The following SEL1L2 variants were observed in gnomAD, a reference collection of about 807,000 sequenced individuals.
SEL1L2 encodes protein sel-1 homolog 2.
In SEL1L2, 89 loss-of-function variants were observed where a neutral mutation model predicts 98.8. The observed-to-expected ratio is 0.90, with a 90% confidence interval of 0.76 to 1.07. The LOEUF is 1.07. SEL1L2 is among the 50% of genes least tolerant of loss of function. SEL1L2 has a pLI of 0.00. For missense variants in SEL1L2, 788 were observed against 812.0 expected (o/e 0.97, Z 0.36); for synonymous variants, 262 against 278.5 (o/e 0.94, Z 0.59).
At chr20:13,947,352 G>A (rs1048095784) in intron 2 of SEL1L2, among the ~76,000 whole-genome samples, 1 of 152,108 alleles carries the variant, frequency 6.6e-6, no homozygotes, top group Non-Finnish European at 1.5e-5. Context: ...GAGATGATGG[G>A]ATGACCTGCC....
At chr20:13,858,248 G>A (rs182239219) in intron 18 of SEL1L2, among the ~76,000 whole-genome samples, 34 of 152,190 alleles carry the variant, frequency 2.2e-4, no homozygotes, top group African/African-American at 7.0e-4. Context: ...TAGCACAACC[G>A]GAAGAAAGAA....
intron 1 of SEL1L2, among the ~76,000 whole-genome samples, chr20:13,986,512 C>T (rs762800896): frequency 1.2e-4 from 18 of 152,160 alleles, no homozygotes; most frequent in Non-Finnish European, 2.2e-4. Context: ...CCTTTTGTCT[C>T]GCTTTTTTCA....
chr20:13,926,107 A>G (rs988126954), intron 3 of SEL1L2, among the ~76,000 whole-genome samples: 13 of 152,342 alleles, frequency 8.5e-5, no homozygotes, highest in Admixed American at 7.8e-4. Flanking sequence ...TCACGAGGTC[A>G]GGAGATTGAG....
intron 1 of SEL1L2, 145 bp from the exon 2 acceptor site, chr20:13,956,276 C>T (rs902426533): frequency 7.4e-6 from 4 of 538,466 alleles, no homozygotes; most frequent in African/African-American, 2.0e-5. Flanking sequence ...ATTTAGAGTT[C>T]CTAATAATGT....
intron 1 of SEL1L2, among the ~76,000 whole-genome samples, chr20:13,957,900 G>A (rs975865134): frequency 6.6e-6 from 1 of 151,992 alleles, no homozygotes; most frequent in South Asian, 2.1e-4. Context: ...TTCAAAAACT[G>A]CCTGGTAAGC....
chr20:13,995,147 A>G (rs2052611261), upstream of SEL1L2: 1 of 157,368 alleles, frequency 6.4e-6, no homozygotes, highest in African/African-American at 2.4e-5. This position sits in a 1 kb window ranked among gnomAD's most constrained non-coding sequence, Gnocchi z 4.3. Flanking sequence ...CTCGCCTGTC[A>G]CTTGGCGCAC....
chr20:13,868,173 G>A (rs1301995355), intron 14 of SEL1L2, among the ~76,000 whole-genome samples: 1 of 151,088 alleles, frequency 6.6e-6, no homozygotes, highest in African/African-American at 2.4e-5. Flanking sequence ...ACTTCATATT[G>A]TCTTTCCTCA....
intron 1 of SEL1L2, among the ~76,000 whole-genome samples, chr20:13,962,984 T>A (rs1001570030): frequency 3.3e-5 from 5 of 151,400 alleles, no homozygotes; most frequent in African/African-American, 1.2e-4. Flanking sequence ...GGAGAATTGC[T>A]TGAACCCTGG....
intron 1 of SEL1L2, among the ~76,000 whole-genome samples, chr20:13,982,050 T>A (rs1364292463): frequency 6.6e-6 from 1 of 152,226 alleles, no homozygotes; most frequent in African/African-American, 2.4e-5. Flanking sequence ...GTGAGGCAAC[T>A]GCTTTCTGGA....
At chr20:13,902,555 A>C (rs1194959865) in intron 5 of SEL1L2, among the ~76,000 whole-genome samples, 2 of 151,966 alleles carry the variant, frequency 1.3e-5, no homozygotes, top group Non-Finnish European at 2.9e-5. Flanking sequence ...GTGGGAGCCT[A>C]TTTGAGTTGG....
At chr20:13,975,674 A>G (rs1364581733) in intron 1 of SEL1L2, among the ~76,000 whole-genome samples, 1 of 152,222 alleles carries the variant, frequency 6.6e-6, no homozygotes, top group East Asian at 1.9e-4. Context: ...CATCTACTAA[A>G]TGCCAAGTTC....
At chr20:13,874,161 G>A (rs1316572037) in intron 12 of SEL1L2, among the ~76,000 whole-genome samples, 1 of 152,196 alleles carries the variant, frequency 6.6e-6, no homozygotes, top group Non-Finnish European at 1.5e-5. Context: ...CTGGAGGAAT[G>A]TGGTCCAACA....
intron 3 of SEL1L2, among the ~76,000 whole-genome samples, chr20:13,923,703 G>A (rs1349548458): frequency 2.0e-5 from 3 of 152,164 alleles, no homozygotes; most frequent in South Asian, 2.1e-4. Flanking sequence ...GCAGTGGGCC[G>A]AGATTGTGCC....
intron 2 of SEL1L2, 58 bp downstream of exon 2, chr20:13,956,018 T>C (rs1032360267): frequency 4.5e-6 from 4 of 893,950 alleles, no homozygotes; most frequent in Non-Finnish European, 5.4e-6. Flanking sequence ...CTGAAAAAAC[T>C]AGTGCCTATA....
chr20:13,940,008 C>A (rs2049679422), intron 2 of SEL1L2, among the ~76,000 whole-genome samples: 1 of 152,172 alleles, frequency 6.6e-6, no homozygotes, highest in Non-Finnish European at 1.5e-5. Context: ...AGCACTGATT[C>A]ACTCATTCAA....
intron 17 of SEL1L2, among the ~76,000 whole-genome samples, chr20:13,860,487 A>T (rs1989933634): frequency 6.6e-6 from 1 of 152,140 alleles, no homozygotes; most frequent in Admixed American, 6.6e-5. Flanking sequence ...GATGGGCCCC[A>T]TCTGCCCAAG....
At chr20:13,975,817 T>C (rs76141901) in intron 1 of SEL1L2, among the ~76,000 whole-genome samples, 3 of 152,216 alleles carry the variant, frequency 2.0e-5, no homozygotes, top group East Asian at 3.9e-4. Flanking sequence ...AAAGGCACAA[T>C]GTGCTATTAG....
At chr20:13,881,803 A>G (rs1044813064) in intron 10 of SEL1L2, among the ~76,000 whole-genome samples, 1 of 152,180 alleles carries the variant, frequency 6.6e-6, no homozygotes, top group Non-Finnish European at 1.5e-5. Flanking sequence ...GACTTATACT[A>G]ATAATTCTCT....
intron 5 of SEL1L2, among the ~76,000 whole-genome samples, chr20:13,897,340 G>A (rs1001946432): frequency 1.3e-5 from 2 of 152,148 alleles, no homozygotes; most frequent in African/African-American, 4.8e-5. Flanking sequence ...CATGACATTG[G>A]ATTTGGCAGT....
Sources: allele counts gnomAD v4.1 joint callset (sites outside exome capture counted in the v4.1 genomes callset), GRCh38; gene constraint gnomAD v4.1.1; non-coding constraint Gnocchi (gnomAD v3.1); transcripts MANE v1.5; gene names NCBI Gene and HGNC (gene_info 2026-07-23, HGNC 2026-07-21).